ABLIM1: variants seen among roughly 807,000 people sequenced by gnomAD.
ABLIM1 encodes actin binding LIM protein 1.
ABLIM1 carries 40 observed loss-of-function variants against 107.0 expected under a neutral mutation model. The observed-to-expected ratio is 0.37, with a 90% confidence interval of 0.29 to 0.49. The LOEUF (loss-of-function observed/expected upper bound fraction) is 0.49. Ranked by LOEUF, ABLIM1 falls within the 20% of genes least tolerant of loss-of-function variation. The pLI is 0.97. For missense variants in ABLIM1, 857 were observed against 1,008.5 expected, an observed-to-expected ratio of 0.85 and a Z score of 2.04; for synonymous variants, 357 against 357.3, an observed-to-expected ratio of 1.00 and a Z score of 0.01.
At chr10:114,544,706 A>G (rs755671867) in intron 6 of ABLIM1, among the ~76,000 whole-genome samples, 3 of 151,424 alleles carry the variant, frequency 2.0e-5, no homozygotes, top group Non-Finnish European at 4.4e-5. Context: ...CTTTTCATTT[A>G]CTCTTGTCTA....
At chr10:114,497,333 C>T (rs1158268835) in intron 6 of ABLIM1, among the ~76,000 whole-genome samples, 5 of 152,324 alleles carry the variant, frequency 3.3e-5, no homozygotes, top group Non-Finnish European at 7.3e-5. Context: ...ACCAGAGCGC[C>T]ATCACTGCTC....
intron 10 of ABLIM1, among the ~76,000 whole-genome samples, chr10:114,471,940 G>C (rs556165629): frequency 1.3e-5 from 2 of 152,072 alleles, no homozygotes; most frequent in African/African-American, 2.4e-5. Context: ...CGATTGGCCA[G>C]GGGAAACGGA....
chr10:114,762,663 T>C (rs1026967734), intron 1 of ABLIM1, among the ~76,000 whole-genome samples: 1 of 152,238 alleles, frequency 6.6e-6, no homozygotes, highest in Non-Finnish European at 1.5e-5. Flanking sequence ...CACTGCTAAA[T>C]GCTTGTTATG....
intron 1 of ABLIM1, among the ~76,000 whole-genome samples, chr10:114,731,120 A>G (rs1188978973): frequency 6.6e-6 from 1 of 152,112 alleles, no homozygotes; most frequent in East Asian, 1.9e-4. Context: ...GGCTGTACAC[A>G]TTTGTGTACA....
rs2066899902 is a variant in ABLIM1, at chr10:114,473,072, C to A, written c.1180G>T (p.Ala394Ser). 6.2e-7 allele frequency: 1 copy of A among 1,613,260 alleles called. No homozygotes were observed. The highest frequency in any genetic ancestry group is 8.5e-7 in the Non-Finnish European group (1 of 1,179,632). Residue 394 changes from alanine (A) to serine (S), a missense_variant, in exon 10 of 23, where the codon GCA becomes TCA. Around this residue, in one of 5 missense-constraint regions of ABLIM1, gnomAD observed 381 missense variants for 506.9 expected, o/e 0.75. Transcript: ENST00000533213. ...KDLAAIPKVKAIYDIERPDLI... is the reference protein window; with the variant it reads ...KDLAAIPKVKSIYDIERPDLI... ...TCTGGACGTTCAATGTCATAAATTG[C>A]CTTGACCTTCGGAATGGCTGCTAAA...
intron 1 of ABLIM1, among the ~76,000 whole-genome samples, chr10:114,604,586 T>C (rs1282414865): frequency 6.6e-6 from 1 of 152,230 alleles, no homozygotes; most frequent in Non-Finnish European, 1.5e-5. Flanking sequence ...TCTACCTTTT[T>C]AGTAAACTAC....
chr10:114,467,492 G>A (rs1296226747), intron 11 of ABLIM1, among the ~76,000 whole-genome samples: 1 of 152,162 alleles, frequency 6.6e-6, no homozygotes, highest in African/African-American at 2.4e-5. Context: ...GATACTAGTT[G>A]TCTATAACAA....
intron 2 of ABLIM1, among the ~76,000 whole-genome samples, chr10:114,576,863 G>C (rs557000714): frequency 6.6e-4 from 101 of 152,298 alleles, no homozygotes; most frequent in African/African-American, 2.3e-3. Flanking sequence ...CATCATGCCT[G>C]AAACTGACCA....
At chr10:114,474,398 T>TTTTTTGG (rs2067174092) in intron 8 of ABLIM1, among the ~76,000 whole-genome samples, 1 of 151,204 alleles carries the variant, frequency 6.6e-6, no homozygotes, top group African/African-American at 2.4e-5. Context: ...TTTTTTTTTT[T>TTTTTTGG]GAGACGGAGT....
intron 2 of ABLIM1, among the ~76,000 whole-genome samples, chr10:114,595,510 A>C (rs1428712957): frequency 6.6e-6 from 1 of 152,254 alleles, no homozygotes; most frequent in African/African-American, 2.4e-5. Context: ...TGAACAGATC[A>C]CATTAAAACA....
upstream of ABLIM1, chr10:114,768,128 G>C (rs538413767): frequency 1.0e-5 from 4 of 383,386 alleles, no homozygotes; most frequent in South Asian, 5.3e-5. Flanking sequence ...CGCAGGGCGC[G>C]GGGAAGAAGG....
chr10:114,654,264 C>T lies in ABLIM1; in HGVS notation c.244+3693G>A, dbSNP rs151066681. On this transcript the variant is annotated intron_variant, in intron 1 of 22. Transcript: ENST00000533213. ...ATTGTTTCACAGCATGGAAGGCAAA[C>T]AATAGAAATTATTTTTAACAATAAT... Among the ~76,000 whole-genome samples the T allele has an allele frequency of 8.6e-3, 1,310 of 152,236 alleles. 15 individuals carry two copies. Among genetic ancestry groups the T allele is most frequent in the African/African-American group, 0.028 (1,184 of 41,546 alleles).
At chr10:114,546,027 A>G (rs925508478) in intron 5 of ABLIM1, among the ~76,000 whole-genome samples, 18 of 151,264 alleles carry the variant, frequency 1.2e-4, no homozygotes, top group South Asian at 2.1e-4. Context: ...GCCAGAGTAC[A>G]GCCTCTGAAC....
intron 1 of ABLIM1, among the ~76,000 whole-genome samples, chr10:114,757,904 T>C (rs887605894): frequency 5.9e-5 from 9 of 152,046 alleles, no homozygotes; most frequent in Non-Finnish European, 1.3e-4. Flanking sequence ...TGACTTCATC[T>C]CCATCCCTCT....
At chr10:114,671,218 G>A (rs1235402452) in intron 1 of ABLIM1, among the ~76,000 whole-genome samples, 2 of 152,116 alleles carry the variant, frequency 1.3e-5, no homozygotes, top group Admixed American at 6.5e-5. Flanking sequence ...AGCTCCTTTG[G>A]CTCAACATAA....
At chr10:114,651,676 G>A (rs1396094667) in intron 1 of ABLIM1, among the ~76,000 whole-genome samples, 1 of 151,976 alleles carries the variant, frequency 6.6e-6, no homozygotes, top group Admixed American at 6.6e-5. Context: ...GGGGTTATTG[G>A]TAACTATAAA....
intron 10 of ABLIM1, among the ~76,000 whole-genome samples, chr10:114,471,369 T>C (rs1357027532): frequency 6.6e-6 from 1 of 152,098 alleles, no homozygotes; most frequent in African/African-American, 2.4e-5. Context: ...CTTGTATGGG[T>C]TAAACATTAG....
At position 114,468,174 on chromosome 10, in the gene ABLIM1, T is replaced by C; in HGVS notation, c.1311+7A>G. The C allele has an allele frequency of 1.9e-6, 3 of 1,611,650 alleles. No individual in the cohort carries two copies. Among genetic ancestry groups the C allele is most frequent in the Non-Finnish European group, 2.5e-6 (3 of 1,177,728 alleles). Reference sequence around the variant, plus strand: ...CCATTAAAATGATAAAAAGAAATGGTACTTACTTCTGCTGATGGAGTAGGA... The same window carrying C: ...CCATTAAAATGATAAAAAGAAATGGCACTTACTTCTGCTGATGGAGTAGGA... On this transcript the variant is annotated splice_region_variant and intron_variant, in intron 11 of 22. Coordinates refer to ENST00000533213, the MANE Select transcript of ABLIM1 (RefSeq NM_002313.7).
chr10:114,534,472 G>T (rs939792039), intron 6 of ABLIM1, among the ~76,000 whole-genome samples: 10 of 144,214 alleles, frequency 6.9e-5, no homozygotes, highest in African/African-American at 2.6e-4. Flanking sequence ...AGCTGCAACG[G>T]CCCTGGGCAC....
Sources: gnomAD v4.1 joint callset for allele counts (sites outside exome capture counted in the v4.1 genomes callset) on GRCh38, gnomAD v4.1.1 for gene constraint, gnomAD v4.1.1 regional missense constraint, MANE v1.5 for transcripts, NCBI Gene and HGNC (gene_info 2026-07-23, HGNC 2026-07-21) for gene names.